The following PCDHGA2 variants were observed in gnomAD, a reference collection of about 807,000 sequenced individuals.
PCDHGA2 encodes protocadherin gamma subfamily A, 2, also known as protocadherin gamma-A2.
Under a neutral mutation model 59.2 loss-of-function variants are expected in PCDHGA2, and 40 were observed. The ratio of observed to expected loss-of-function variants is 0.68; its 90% CI spans 0.52 to 0.88. PCDHGA2 has a LOEUF of 0.88. Ranked by LOEUF, PCDHGA2 falls within the 40% of genes least tolerant of loss-of-function variation. PCDHGA2 has a pLI of 0.00. For synonymous variants in PCDHGA2, 560 were observed against 526.0 expected, an observed-to-expected ratio of 1.06 and a Z score of -0.89; for missense variants, 1,226 against 1,204.0, an observed-to-expected ratio of 1.02 and a Z score of -0.27.
At chr5:141,365,653 A>G in intron 1 of PCDHGA2, 4 of 1,613,620 alleles carry the variant, frequency 2.5e-6, no homozygotes, top group Non-Finnish European at 3.4e-6. Context: ...TCCCCTTGAA[A>G]GTAGCAGACG....
chr5:141,388,712 G>C (rs1345089798), intron 1 of PCDHGA2: 6 of 1,613,868 alleles, frequency 3.7e-6, no homozygotes, highest in Non-Finnish European at 5.1e-6. Flanking sequence ...TCAATGCCGA[G>C]ATTACTTTCT....
In PCDHGA2 at chr5:141,431,501, C is replaced by G; in HGVS notation, c.2425-63306C>G. On this transcript the variant is annotated intron_variant, in intron 1 of 3. Coordinates refer to ENST00000394576, the MANE Select transcript of PCDHGA2 (RefSeq NM_018915.4). This position sits in a 1 kb window ranked among gnomAD's most constrained non-coding sequence, Gnocchi z 4.8. ...ACCAGCGTTTGCTCAGCCCGAGTAC[C>G]GCGCGAGCGTTCCGGAGAATCTGGC... is the stretch of plus-strand genomic sequence containing the variant. 1 of 1,614,010 alleles carries G rather than the reference C, an allele frequency of 6.2e-7. No homozygotes were observed. The highest frequency in any genetic ancestry group is 8.5e-7 in the Non-Finnish European group (1 of 1,180,034).
rs1421497518 is a variant in PCDHGA2 at position 141,431,979 on chromosome 5, A to G, written c.2425-62828A>G. ...GGAAATTACTATAGTTTAGTCACAGACATAGTCTTGGATAGGGAACAGGTT... is the reference window on the plus strand; with the variant it reads ...GGAAATTACTATAGTTTAGTCACAGGCATAGTCTTGGATAGGGAACAGGTT... On this transcript the variant is annotated intron_variant, in intron 1 of 3. Coordinates refer to ENST00000394576, the MANE Select transcript of PCDHGA2 (RefSeq NM_018915.4). This position sits in a 1 kb window ranked among gnomAD's most constrained non-coding sequence, Gnocchi z 4.8. 6.2e-7 allele frequency: 1 copy of G among 1,614,078 alleles called. No homozygotes were observed. The highest frequency in any genetic ancestry group is 1.3e-5 in the African/African-American group (1 of 74,932).
At chr5:141,441,779 C>T in intron 1 of PCDHGA2, 2 of 390,030 alleles carry the variant, frequency 5.1e-6, no homozygotes, top group South Asian at 2.0e-5. Context: ...TGGTGGACGA[C>T]CTGAATGACA....
chr5:141,350,521 A>G, intron 1 of PCDHGA2: 2 of 1,614,060 alleles, frequency 1.2e-6, no homozygotes, highest in Non-Finnish European at 1.7e-6. Context: ...ACGGTAGGAT[A>G]GATCGAGAGA....
intron 1 of PCDHGA2, chr5:141,409,041 A>T: frequency 6.2e-7 from 1 of 1,613,982 alleles, no homozygotes; most frequent in Non-Finnish European, 8.5e-7. Flanking sequence ...ATAAACTACT[A>T]CTTCCGAAGC....
At chr5:141,363,097 G>A (rs182933962) in intron 1 of PCDHGA2, among the ~76,000 whole-genome samples, 161 of 152,360 alleles carry the variant, frequency 1.1e-3, no homozygotes, top group Admixed American at 1.8e-3. Context: ...CTAAAGGACA[G>A]GCAATGTTTG....
intron 1 of PCDHGA2, chr5:141,375,921 A>G: frequency 6.2e-7 from 1 of 1,613,712 alleles, no homozygotes; most frequent in Admixed American, 1.7e-5. Context: ...AAGGCCAGCG[A>G]GCCAGGACTT....
chr5:141,381,901 C>T (rs1036292864), intron 1 of PCDHGA2, among the ~76,000 whole-genome samples: 24 of 130,248 alleles, frequency 1.8e-4, no homozygotes, highest in African/African-American at 6.8e-4. Flanking sequence ...GTGATCTCGG[C>T]TCACCACAAC....
chr5:141,478,143 A>T (rs759384540), intron 1 of PCDHGA2: 1 of 1,614,014 alleles, frequency 6.2e-7, no homozygotes, highest in Non-Finnish European at 8.5e-7. Flanking sequence ...GCCCGAGCCG[A>T]GTTCCCCTCT....
At position 141,340,235 on chromosome 5, in the gene PCDHGA2, C is replaced by G. The variant is rs934782575; in HGVS notation, c.1264C>G (p.Leu422Val). The G allele has an allele frequency of 2.5e-6, 4 of 1,614,066 alleles. No homozygotes were observed. Among genetic ancestry groups the G allele is most frequent in the Non-Finnish European group, 3.4e-6 (4 of 1,180,030 alleles). Residue 422 changes from leucine (L) to valine (V), a missense_variant, in exon 1 of 4, where the codon CTA becomes GTA. Transcript: ENST00000394576. ...REQFSFYNIT[L>V]TAKDGGNPSL... ...ACAGTTTTCCTTTTACAACATCACT[C>G]TAACCGCTAAAGATGGAGGGAACCC...
Position 141,511,029 on chromosome 5 carries a change from G to A in PCDHGA2, c.2655G>A (p.Leu885=), listed in dbSNP as rs1372346241. The part of the protein sequence containing the change: ...LSARYGPQFT[L]QHVPDYRQNV... ...CCCGCTACGGACCCCAGTTCACCCT[G>A]CAGCACGTGCCCGACTACCGCCAGA... The change falls in exon 4 of 4, where the codon CTG becomes CTA. Residue 885 remains leucine, a synonymous_variant. Transcript: ENST00000394576. 6.2e-7 allele frequency: 1 copy of A among 1,614,078 alleles called. No individual in the cohort carries two copies. Among genetic ancestry groups the A allele is most frequent in the Non-Finnish European group, 8.5e-7 (1 of 1,180,032 alleles).
At position 141,459,533 on chromosome 5, in the gene PCDHGA2, A is replaced by AT. The variant is rs956234847; in HGVS notation, c.2425-35266dup. Among the ~76,000 whole-genome samples the AT allele has an allele frequency of 1.2e-4, 18 of 152,018 alleles. No homozygotes were observed. In the South Asian group the frequency reaches 2.3e-3, roughly 19 times the overall value. ...CATGTACAAGTATTTTTGTAGGCAT[A>AT]TTTTTTTTATTTCTCTTGGATAAAT... is the stretch of plus-strand genomic sequence containing the variant. On this transcript the variant is annotated intron_variant, in intron 1 of 3. Transcript: ENST00000394576.
rs766765576 is a variant in PCDHGA2 at position 141,361,851 on chromosome 5, C to T, written c.2424+20456C>T. 5.6e-6 allele frequency: 9 copies of T among 1,612,474 alleles called. No homozygotes were observed. In the East Asian group the frequency reaches 1.8e-4, roughly 32 times the overall value. The stretch of plus-strand genomic sequence containing the variant: ...ACCCCGCGCTGGGGCCTGATGGCTC[C>T]GCCCTCTTCGATATGGTGCCACGCG... On this transcript the variant is annotated intron_variant, in intron 1 of 3. Coordinates refer to ENST00000394576, the MANE Select transcript of PCDHGA2 (RefSeq NM_018915.4).
At chr5:141,420,413 A>T in intron 1 of PCDHGA2, 1 of 1,222,396 alleles carries the variant, frequency 8.2e-7, no homozygotes, top group Non-Finnish European at 1.1e-6. Context: ...GGTTATCATT[A>T]TTAAAACAAA....
chr5:141,487,920 C>G lies in PCDHGA2; in HGVS notation c.2425-6887C>G, dbSNP rs561819225. On this transcript the variant is annotated intron_variant, in intron 1 of 3. Coordinates refer to ENST00000394576, the MANE Select transcript of PCDHGA2 (RefSeq NM_018915.4). This position sits in a 1 kb window ranked among gnomAD's most constrained non-coding sequence, Gnocchi z 5.0. ...TGGAATGTGGGAGCACAGGAGGCTA[C>G]AGTGCACAGGGTACAGTGCACCAGG... The G allele has an allele frequency of 4.7e-6, 3 of 644,662 alleles. No individual in the cohort carries two copies. The Admixed American group carries it at 8.5e-5, about 18-fold the overall frequency. 39.9% of individuals were successfully genotyped at this position (644,662 alleles called of 1,614,324 possible).
intron 1 of PCDHGA2, chr5:141,388,246 TGGA>T: frequency 6.2e-7 from 1 of 1,609,740 alleles, no homozygotes; most frequent in East Asian, 2.2e-5. Context: ...CACGTGAATG[TGGA>T]GATCGAGGAC....
At chr5:141,441,187 AT>A (rs1349788972) in intron 1 of PCDHGA2, 1 of 152,214 alleles carries the variant, frequency 6.6e-6, no homozygotes, top group Non-Finnish European at 1.5e-5. Context: ...TTCCACAATG[AT>A]TCCCAAAGAT....
At position 141,339,021 on chromosome 5, in the gene PCDHGA2, G is replaced by A. The variant is rs770130711; in HGVS notation, c.50G>A (p.Cys17Tyr). 5.7e-6 allele frequency: 9 copies of A among 1,590,798 alleles called. No individual in the cohort carries two copies. Among genetic ancestry groups the A allele is most frequent in the African/African-American group, 5.4e-5 (4 of 74,130 alleles). The stretch of plus-strand genomic sequence containing the variant: ...CACTGCAGAAAGCTGGTCCTGCTGT[G>A]CTTCCTTTTGGCGACCCTGTGGGAG... ...LPHCRKLVLL[C>Y]FLLATLWEAR... The change falls in exon 1 of 4, where the codon TGC becomes TAC. Residue 17 changes from cysteine (C) to tyrosine (Y), a missense_variant. Transcript: ENST00000394576.
Sources: allele counts gnomAD v4.1 joint callset (sites outside exome capture counted in the v4.1 genomes callset), GRCh38; gene constraint gnomAD v4.1.1; non-coding constraint Gnocchi (gnomAD v3.1); transcripts MANE v1.5; gene names NCBI Gene and HGNC (gene_info 2026-07-23, HGNC 2026-07-21).